Variants in PLEKHG3 observed in about 807,000 individuals in gnomAD.
PLEKHG3 encodes pleckstrin homology and RhoGEF domain containing G3, also known as pleckstrin homology domain-containing family G member 3.
PLEKHG3 carries 62 observed loss-of-function variants against 94.9 expected under a neutral mutation model. The ratio of observed to expected loss-of-function variants is 0.65; its 90% CI spans 0.53 to 0.81. PLEKHG3 has a LOEUF of 0.81. PLEKHG3 is among the 30% of genes least tolerant of loss of function. The probability of loss-of-function intolerance (pLI) is 0.00; values close to 1 mark genes in which losing one functional copy is unlikely to be tolerated. For synonymous variants in PLEKHG3, 614 were observed against 654.0 expected (o/e 0.94, Z 0.93); for missense variants, 1,461 against 1,619.3 (o/e 0.90, Z 1.68).
In PLEKHG3 at chr14:64,725,216, G is replaced by C. The variant is rs1449389424; in HGVS notation, c.-39-2377G>C. Among the ~76,000 whole-genome samples, 1 of 152,188 alleles carries C rather than the reference G, an allele frequency of 6.6e-6. No individual in the cohort carries two copies. The highest frequency in any genetic ancestry group is 1.5e-5 in the Non-Finnish European group (1 of 68,040). ...TGTGTTGGGGTAGGGGTGGGGCTGT[G>C]AGTAATCTTTTGCTTTAAGACTGTG... On this transcript the variant is annotated intron_variant, in intron 1 of 16. Transcript: ENST00000247226. The surrounding 1 kb of genome is among the most constrained non-coding windows in gnomAD (Gnocchi z 5.0).
At chr14:64,708,641 C>T (rs970297783) in intron 1 of PLEKHG3, among the ~76,000 whole-genome samples, 3 of 152,192 alleles carry the variant, frequency 2.0e-5, no homozygotes, top group Non-Finnish European at 4.4e-5. Context: ...TCTGCTGAGT[C>T]TCCGACCCTC....
In PLEKHG3 at chr14:64,716,435, TAC is replaced by T. The variant is rs61468622; in HGVS notation, c.-39-11128_-39-11127del. 0.034 allele frequency among the ~76,000 whole-genome samples: 3,552 copies of T among 105,218 alleles called. 68 individuals carry two copies. Among genetic ancestry groups the T allele is most frequent in the African/African-American group, 0.043 (1,097 of 25,438 alleles). The allele number at this position is 105,218 out of a possible 152,430, so 69.0% of individuals were successfully genotyped here. On this transcript the variant is annotated intron_variant, in intron 1 of 16. Transcript: ENST00000247226. This position sits in a 1 kb window ranked among gnomAD's most constrained non-coding sequence, Gnocchi z 5.0. ...GGTTAGAGAAGGTCATGTAGGGCCC[TAC>T]ACACACACACACACACACACACACA... is the stretch of plus-strand genomic sequence containing the variant.
At position 64,741,771 on chromosome 14, in the gene PLEKHG3, A is replaced by G. The variant is rs751002582; in HGVS notation, c.2254A>G (p.Asn752Asp). 13 of 1,613,236 alleles carry G rather than the reference A, an allele frequency of 8.1e-6. No homozygotes were observed. The highest frequency in any genetic ancestry group is 1.1e-5 in the Non-Finnish European group (13 of 1,180,034). The change falls in exon 16 of 17, where the codon AAC becomes GAC. Residue 752 changes from asparagine (N) to aspartate (D), a missense_variant. Coordinates refer to ENST00000247226, the MANE Select transcript of PLEKHG3 (RefSeq NM_001308147.2). The part of the protein sequence containing the change: ...LSYIPKGLVR[N>D]SISRFNSLPR... ...CTACATCCCCAAAGGACTGGTAAGA[A>G]ACTCCATCTCCAGGTTCAACAGCCT... is the stretch of plus-strand genomic sequence containing the variant.
chr14:64,743,202 C>T lies in PLEKHG3; in HGVS notation c.3159C>T (p.Leu1053=), dbSNP rs1199518180. The T allele has an allele frequency of 1.2e-6, 2 of 1,610,042 alleles. No individual in the cohort carries two copies. Among genetic ancestry groups the T allele is most frequent in the Admixed American group, 3.3e-5 (2 of 59,984 alleles). ...TCAGCTGGCCCGACGTCCGTGAGCT[C>T]TGCTCCAAGTATGCCTCCCGCGATG... The part of the protein sequence containing the change: ...ETFSWPDVRE[L]CSKYASRDEA... The change falls in exon 17 of 17, where the codon CTC becomes CTT. Residue 1053 remains leucine (L), a synonymous_variant. Transcript: ENST00000247226. The surrounding 1 kb of genome is among the most constrained non-coding windows in gnomAD (Gnocchi z 7.2).
At chr14:64,710,852 A>G (rs2139359646) in intron 1 of PLEKHG3, among the ~76,000 whole-genome samples, 1 of 151,594 alleles carries the variant, frequency 6.6e-6, no homozygotes, top group South Asian at 2.1e-4. Context: ...GGAGGGAATG[A>G]CTTGGCACAC....
Position 64,727,885 on chromosome 14 carries a change from G to T in PLEKHG3, c.254G>T (p.Gly85Val), listed in dbSNP as rs2081382714. 2 of 1,613,030 alleles carry T rather than the reference G, an allele frequency of 1.2e-6. No homozygotes were observed. The highest frequency in any genetic ancestry group is 1.3e-5 in the African/African-American group (1 of 74,932). The stretch of plus-strand genomic sequence containing the variant: ...CCGTTCAACAGCCGGGCAGCGGCAG[G>T]GCCTGCACACCACAAGCTCAGCTAC... ...LSPFNSRAAA[G>V]PAHHKLSYLG... Residue 85 changes from glycine to valine, a missense_variant, in exon 2 of 17, where the codon GGG (glycine) becomes GTG (valine). Coordinates refer to ENST00000247226, the MANE Select transcript of PLEKHG3 (RefSeq NM_001308147.2). The surrounding 1 kb of genome is among the most constrained non-coding windows in gnomAD (Gnocchi z 6.0).
chr14:64,732,274 G>T lies in PLEKHG3; in HGVS notation c.1212+93G>T. 1.5e-6 allele frequency: 2 copies of T among 1,294,506 alleles called. No individual in the cohort carries two copies. The highest frequency in any genetic ancestry group is 2.2e-6 in the Non-Finnish European group (2 of 890,908). 80.2% of individuals were successfully genotyped at this position (1,294,506 alleles called of 1,614,324 possible). On this transcript the variant is annotated intron_variant, in intron 10 of 16. Coordinates refer to ENST00000247226, the MANE Select transcript of PLEKHG3 (RefSeq NM_001308147.2). The surrounding 1 kb of genome is among the most constrained non-coding windows in gnomAD (Gnocchi z 4.9). ...CATTGGGGGCTCACCTTCTGGATTT[G>T]GGCTCCAGTGGACAGTGAGTGTCAG...
At position 64,743,513 on chromosome 14, in the gene PLEKHG3, C is replaced by T; in HGVS notation, c.3470C>T (p.Ala1157Val). Residue 1157 changes from alanine to valine, a missense_variant, in exon 17 of 17, where the codon GCA becomes GTA. By Grantham distance (64) the Ala-to-Val change is moderately conservative. Transcript: ENST00000247226. This position sits in a 1 kb window ranked among gnomAD's most constrained non-coding sequence, Gnocchi z 7.2. ...AAGGGACCCCTTCCCAGCCCCACTG[C>T]AGGGCTGGAGGAGAGCAGTGGCCAG... ...MEKGPLPSPT[A>V]GLEESSGQGP... is the part of the protein sequence containing the mutation. 6.2e-7 allele frequency: 1 copy of T among 1,613,028 alleles called. No individual in the cohort carries two copies. Among genetic ancestry groups the T allele is most frequent in the African/African-American group, 1.3e-5 (1 of 75,066 alleles).
At position 64,718,078 on chromosome 14, in the gene PLEKHG3, C is replaced by G. The variant is rs2081199381; in HGVS notation, c.-39-9515C>G. On this transcript the variant is annotated intron_variant, in intron 1 of 16. Coordinates refer to ENST00000247226, the MANE Select transcript of PLEKHG3 (RefSeq NM_001308147.2). The surrounding 1 kb of genome is among the most constrained non-coding windows in gnomAD (Gnocchi z 5.0). The stretch of plus-strand genomic sequence containing the variant: ...CTTGGCAGCAAATGCACTCAGATCT[C>G]TTCACCTGGCAAAGCTTACTCGTCA... Among the ~76,000 whole-genome samples, 1 of 152,208 alleles carries G rather than the reference C, an allele frequency of 6.6e-6. No individual in the cohort carries two copies. Among genetic ancestry groups the G allele is most frequent in the Non-Finnish European group, 1.5e-5 (1 of 68,046 alleles).
intron 1 of PLEKHG3, among the ~76,000 whole-genome samples, chr14:64,714,909 A>T (rs2081115104): frequency 6.6e-6 from 1 of 152,102 alleles, no homozygotes; most frequent in African/African-American, 2.4e-5. Flanking sequence ...GGGGGGAAAA[A>T]AGCACAAAAC....
chr14:64,713,373 T>C (rs1252157391), intron 1 of PLEKHG3, among the ~76,000 whole-genome samples: 1 of 152,194 alleles, frequency 6.6e-6, no homozygotes, highest in East Asian at 1.9e-4. Flanking sequence ...AGAGTTGATA[T>C]GAATTATTCT....
intron 1 of PLEKHG3, among the ~76,000 whole-genome samples, chr14:64,711,747 G>A (rs1344355207): frequency 2.0e-5 from 3 of 152,132 alleles, no homozygotes; most frequent in Admixed American, 6.5e-5. Context: ...CAAGTTCATT[G>A]TCAAGTATAC....
chr14:64,714,241 G>A (rs1057137372), intron 1 of PLEKHG3, among the ~76,000 whole-genome samples: 4 of 152,162 alleles, frequency 2.6e-5, no homozygotes, highest in African/African-American at 9.7e-5. Flanking sequence ...GCACTTATTG[G>A]TGATGATGAG....
rs961826490 is a variant in PLEKHG3 at position 64,715,521 on chromosome 14, T to C, written c.-40+10817T>C. Among the ~76,000 whole-genome samples the C allele has an allele frequency of 6.6e-6, 1 of 152,162 alleles. No homozygotes were observed. The highest frequency in any genetic ancestry group is 1.5e-5 in the Non-Finnish European group (1 of 68,024). On this transcript the variant is annotated intron_variant, in intron 1 of 16. Transcript: ENST00000247226. The surrounding 1 kb of genome is among the most constrained non-coding windows in gnomAD (Gnocchi z 4.4). ...CCACTTGTGCCTCAGTTTCCTGACC[T>C]GTAAAATAGGGATGGCCACCTGCCT...
Position 64,726,551 on chromosome 14 carries a change from C to T in PLEKHG3, c.-39-1042C>T, listed in dbSNP as rs949064092. On this transcript the variant is annotated intron_variant, in intron 1 of 16. Coordinates refer to ENST00000247226, the MANE Select transcript of PLEKHG3 (RefSeq NM_001308147.2). This position sits in a 1 kb window ranked among gnomAD's most constrained non-coding sequence, Gnocchi z 5.1. The stretch of plus-strand genomic sequence containing the variant: ...AAGTAGTCTGGCCACTCCACCCTTC[C>T]ATCCCCCGGCTGCTCCAGGTGGGCC... 1.3e-5 allele frequency among the ~76,000 whole-genome samples: 2 copies of T among 152,036 alleles called. No homozygotes were observed. The highest frequency in any genetic ancestry group is 4.8e-5 in the African/African-American group (2 of 41,376).
chr14:64,744,771 A>ATTTTTTTT lies in PLEKHG3; in HGVS notation c.*1081_*1088dup, dbSNP rs397954215. 3 of 122,042 alleles carry ATTTTTTTT rather than the reference A, an allele frequency of 2.5e-5. No homozygotes were observed. The highest frequency in any genetic ancestry group is 1.0e-4 in the African/African-American group (3 of 29,462). The allele number at this position is 122,042 out of a possible 1,614,324, so 7.6% of individuals were successfully genotyped here. A position where few individuals can be genotyped will look rare whatever the true frequency, so the allele number is the denominator to read the frequency against. On this transcript the variant is annotated 3_prime_UTR_variant, in exon 17 of 17. Coordinates refer to ENST00000247226, the MANE Select transcript of PLEKHG3 (RefSeq NM_001308147.2). Reference sequence around the variant, plus strand: ...CCAGGAAACATCCTAGAAGACAAGGATTTTTTTTTTTTTTTTTTTTGAGAC... The same window carrying ATTTTTTTT: ...CCAGGAAACATCCTAGAAGACAAGGATTTTTTTTTTTTTTTTTTTTTTTTTTTTGAGAC...
At position 64,741,247 on chromosome 14, in the gene PLEKHG3, G is replaced by A; in HGVS notation, c.1730G>A (p.Ser577Asn). ...ACTGAGGACCTTAAGGCCCTGAGCA[G>A]CGAGGAGGAAGAAGAAATGGGAGGT... Reference protein sequence around the residue: ...ESTEDLKALSSEEEEEMGGAA... With the variant: ...ESTEDLKALSNEEEEEMGGAA... The change falls in exon 16 of 17, where the codon AGC (serine) becomes AAC (asparagine). Residue 577 changes from serine to asparagine, a missense_variant. Around this residue, in one of 3 missense-constraint regions of PLEKHG3, gnomAD observed 1,201 missense variants for 1,295.5 expected, o/e 0.93. Coordinates refer to ENST00000247226, the MANE Select transcript of PLEKHG3 (RefSeq NM_001308147.2). 6.2e-7 allele frequency: 1 copy of A among 1,614,040 alleles called. No individual in the cohort carries two copies. The highest frequency in any genetic ancestry group is 2.2e-5 in the East Asian group (1 of 44,882).
At chr14:64,713,409 G>T (rs1040793172) in intron 1 of PLEKHG3, among the ~76,000 whole-genome samples, 4 of 152,146 alleles carry the variant, frequency 2.6e-5, no homozygotes, top group Non-Finnish European at 5.9e-5. Flanking sequence ...ACTTCACCAG[G>T]GAAGCCGTCT....
At position 64,749,265 on chromosome 14, in the gene PLEKHG3, T is replaced by A; in HGVS notation, c.*5562T>A. The A allele has an allele frequency of 6.5e-7, 1 of 1,542,966 alleles. No homozygotes were observed. The highest frequency in any genetic ancestry group is 8.7e-7 in the Non-Finnish European group (1 of 1,149,420). ...AGGCCAAGGCCTGGGCTGCCCGGTCTCTGCGCGTCCCGACTCCGCCGCGCC... is the reference window on the plus strand; with the variant it reads ...AGGCCAAGGCCTGGGCTGCCCGGTCACTGCGCGTCCCGACTCCGCCGCGCC... On this transcript the variant is annotated 3_prime_UTR_variant, in exon 17 of 17. Coordinates refer to ENST00000247226, the MANE Select transcript of PLEKHG3 (RefSeq NM_001308147.2). This position sits in a 1 kb window ranked among gnomAD's most constrained non-coding sequence, Gnocchi z 4.7.
Sources: gnomAD v4.1 joint callset for allele counts (sites outside exome capture counted in the v4.1 genomes callset) on GRCh38, gnomAD v4.1.1 for gene constraint, gnomAD v4.1.1 regional missense constraint, Gnocchi (gnomAD v3.1) non-coding constraint, MANE v1.5 for transcripts, NCBI Gene and HGNC (gene_info 2026-07-23, HGNC 2026-07-21) for gene names.